RBFOX2: variants seen among roughly 807,000 people sequenced by gnomAD.
RBFOX2 encodes the protein RNA binding fox-1 homolog 2.
In RBFOX2, 10 loss-of-function variants were observed where a neutral mutation model predicts 49.1. That is an observed-to-expected ratio of 0.20 (90% confidence interval 0.13 to 0.35). The LOEUF (loss-of-function observed/expected upper bound fraction) is 0.35, where lower values mean the gene tolerates loss of function less well. Among genes scored for constraint, RBFOX2 ranks in the 10% least tolerant of loss-of-function variants. The probability of loss-of-function intolerance (pLI) is 1.00; values close to 1 mark genes in which losing one functional copy is unlikely to be tolerated. For missense variants in RBFOX2, 323 were observed against 486.9 expected (o/e 0.66, Z 3.17); for synonymous variants, 183 against 187.4 (o/e 0.98, Z 0.19).
chr22:35,757,917 T>TA, intron 9 of RBFOX2, among the ~76,000 whole-genome samples: 2 of 152,276 alleles, frequency 1.3e-5, no homozygotes, highest in South Asian at 4.1e-4. Flanking sequence ...GATTTACAAA[T>TA]AAGCCTTCTA....
chr22:35,784,171 T>C (rs754199615), intron 2 of RBFOX2, among the ~76,000 whole-genome samples: 6 of 152,198 alleles, frequency 3.9e-5, no homozygotes, highest in Non-Finnish European at 7.3e-5. Context: ...AGCTATGCCT[T>C]CAACTCAAAA....
Position 35,902,214 on chromosome 22 carries a change from G to A in RBFOX2, c.-34+36633C>T, listed in dbSNP as rs78269853. Among the ~76,000 whole-genome samples, 723 of 152,050 alleles carry A rather than the reference G, an allele frequency of 4.8e-3. 4 individuals are homozygous for A. The highest frequency in any genetic ancestry group is 0.017 in the African/African-American group (689 of 41,468). ...GTATCCCCTCCCTACAATTTTTGAC[G>A]TCATGAAGTCCTCCCATCCCAACCA... is the stretch of plus-strand genomic sequence containing the variant. On this transcript the variant is annotated intron_variant, in intron 1 of 13. Coordinates refer to the RBFOX2 transcript ENST00000359369.
At chr22:35,859,343 T>C (rs2042873361) in intron 1 of RBFOX2, among the ~76,000 whole-genome samples, 1 of 152,186 alleles carries the variant, frequency 6.6e-6, no homozygotes, top group Non-Finnish European at 1.5e-5. Context: ...TAAAACAGCA[T>C]AGCATACATG....
At chr22:35,825,981 CAAAAAAA>C (rs901630936) in intron 1 of RBFOX2, among the ~76,000 whole-genome samples, 38 of 39,850 alleles carry the variant, frequency 9.5e-4, no homozygotes, top group South Asian at 1.8e-3. Context: ...GACTCCGCTT[CAAAAAAA>C]AAAAAAAAAA....
At chr22:35,875,607 G>GGTGTGTGTGTGTGT (rs56137825) in intron 1 of RBFOX2, among the ~76,000 whole-genome samples, 10 of 117,670 alleles carry the variant, frequency 8.5e-5, no homozygotes, top group East Asian at 2.6e-4. Context: ...TGCTCACAAG[G>GGTGTGTGTGTGTGT]GTGTGTGTGT....
At chr22:36,000,396 A>C (rs1603464596) in intron 1 of RBFOX2, 5 of 152,354 alleles carry the variant, frequency 3.3e-5, no homozygotes, top group Admixed American at 1.3e-4. Flanking sequence ...GATCAATAGC[A>C]ATTCCAACAC....
Position 35,781,973 on chromosome 22 carries a change from T to C in RBFOX2, c.253-227A>G, listed in dbSNP as rs986461775. Among the ~76,000 whole-genome samples the C allele has an allele frequency of 2.6e-5, 4 of 152,186 alleles. No individual in the cohort carries two copies. In the East Asian group the frequency reaches 5.8e-4, roughly 22 times the overall value. On this transcript the variant is annotated intron_variant, in intron 2 of 11. Transcript: ENST00000405409. ...AAAATGTTGGTGTTTTGAGTATTTA[T>C]AGTATGCTAACAAAATGGGAGCTAA...
chr22:35,925,221 T>TAA (rs1033004457), intron 1 of RBFOX2, among the ~76,000 whole-genome samples: 1 of 149,404 alleles, frequency 6.7e-6, no homozygotes, highest in Admixed American at 6.7e-5. Context: ...TAAAAAAATT[T>TAA]AAAAAAAAAG....
chr22:35,802,750 C>G (rs1034247638), intron 2 of RBFOX2, among the ~76,000 whole-genome samples: 1 of 152,130 alleles, frequency 6.6e-6, no homozygotes, highest in African/African-American at 2.4e-5. Context: ...AGCTAGAAAT[C>G]TGAAGGGGAG....
At chr22:35,866,570 A>G (rs1457943196) in intron 1 of RBFOX2, among the ~76,000 whole-genome samples, 1 of 152,182 alleles carries the variant, frequency 6.6e-6, no homozygotes, top group African/African-American at 2.4e-5. Flanking sequence ...CATTTCATAT[A>G]TTAAACATAA....
At chr22:35,814,240 AC>A (rs1475598347) in intron 1 of RBFOX2, among the ~76,000 whole-genome samples, 2 of 152,126 alleles carry the variant, frequency 1.3e-5, no homozygotes, top group Non-Finnish European at 2.9e-5. Flanking sequence ...GCCCCCGCCC[AC>A]CACAGATGCC....
In RBFOX2 at chr22:35,880,828, A is replaced by G. The variant is rs950008725; in HGVS notation, c.-34+58019T>C. ...TTTAACTATTCCCAGCCATGGAAGG[A>G]AGGGAGGGAGGGAGGGAAGGAAGAA... is the stretch of plus-strand genomic sequence containing the variant. On this transcript the variant is annotated intron_variant, in intron 1 of 13. Coordinates refer to the RBFOX2 transcript ENST00000359369. Among the ~76,000 whole-genome samples, 5 of 151,016 alleles carry G rather than the reference A, an allele frequency of 3.3e-5. 1 individual carries two copies. In the South Asian group the frequency reaches 1.1e-3, roughly 32 times the overall value.
intron 1 of RBFOX2, among the ~76,000 whole-genome samples, chr22:35,947,173 C>A (rs2054372492): frequency 6.6e-6 from 1 of 151,668 alleles, no homozygotes; most frequent in Admixed American, 6.6e-5. Flanking sequence ...GCCTGGGCGA[C>A]AGAGCAAAAC....
upstream of RBFOX2, among the ~76,000 whole-genome samples, chr22:35,844,979 A>G (rs916922871): frequency 1.3e-5 from 2 of 152,146 alleles, no homozygotes; most frequent in African/African-American, 4.8e-5. Flanking sequence ...GTCATACAGA[A>G]GTAACTCAGC....
intron 4 of RBFOX2, among the ~76,000 whole-genome samples, chr22:35,771,240 T>C (rs979404687): frequency 5.9e-5 from 9 of 152,156 alleles, no homozygotes; most frequent in Non-Finnish European, 1.0e-4. Context: ...TGTAATACAG[T>C]GTTCCAACGT....
At chr22:35,828,517 C>T (rs1411430293) in intron 1 of RBFOX2, among the ~76,000 whole-genome samples, 2 of 152,200 alleles carry the variant, frequency 1.3e-5, no homozygotes, top group African/African-American at 4.8e-5. Flanking sequence ...TGAGTGATGA[C>T]TGCCACATCT....
At chr22:35,981,142 A>G (rs2057437979) in intron 1 of RBFOX2, among the ~76,000 whole-genome samples, 1 of 152,226 alleles carries the variant, frequency 6.6e-6, no homozygotes, top group Non-Finnish European at 1.5e-5. Flanking sequence ...TCTTCATTTT[A>G]CTAATGAAAA....
chr22:35,959,147 G>A (rs375964806), intron 1 of RBFOX2, among the ~76,000 whole-genome samples: 1 of 152,166 alleles, frequency 6.6e-6, no homozygotes, highest in East Asian at 1.9e-4. Flanking sequence ...CAAGGGAAAA[G>A]GAAAAGCCAG....
At chr22:35,744,149 A>G in exon 12 of RBFOX2, 6 of 1,492,578 alleles carry the variant, frequency 4.0e-6, no homozygotes, top group African/African-American at 1.4e-5. Flanking sequence ...AAATATTGCA[A>G]TAGCCAGGCC....
Sources: allele counts gnomAD v4.1 joint callset (sites outside exome capture counted in the v4.1 genomes callset), GRCh38; gene constraint gnomAD v4.1.1; transcripts MANE v1.5; gene names NCBI Gene and HGNC (gene_info 2026-07-23, HGNC 2026-07-21).